GPC5: variants seen among roughly 807,000 people sequenced by gnomAD.
The protein encoded by GPC5 is glypican-5.
In GPC5, 47 loss-of-function variants were observed where a neutral mutation model predicts 53.9. The ratio of observed to expected loss-of-function variants is 0.87; its 90% CI spans 0.69 to 1.11. The LOEUF (loss-of-function observed/expected upper bound fraction) is 1.11. GPC5 is among the 50% of genes most tolerant of loss of function. The pLI is 0.00. For synonymous variants in GPC5, 286 were observed against 263.3 expected, an observed-to-expected ratio of 1.09 and a Z score of -0.84; for missense variants, 748 against 713.1, an observed-to-expected ratio of 1.05 and a Z score of -0.56.
intron 2 of GPC5, among the ~76,000 whole-genome samples, chr13:91,648,870 C>A (rs2034626608): frequency 6.6e-6 from 1 of 152,114 alleles, no homozygotes; most frequent in Non-Finnish European, 1.5e-5. Flanking sequence ...AGAATCAGTA[C>A]AGTGCGGTAT....
At chr13:92,445,684 A>C (rs1037982890) in intron 7 of GPC5, among the ~76,000 whole-genome samples, 2 of 151,704 alleles carry the variant, frequency 1.3e-5, no homozygotes, top group African/African-American at 2.4e-5. Flanking sequence ...CATGGTGTAT[A>C]TGTGCCACAT....
intron 2 of GPC5, among the ~76,000 whole-genome samples, chr13:91,629,583 C>T (rs2034103041): frequency 6.6e-6 from 1 of 152,018 alleles, no homozygotes; most frequent in Non-Finnish European, 1.5e-5. Flanking sequence ...GCAGAGGTTG[C>T]AGTGAGCAGA....
chr13:92,551,166 C>T (rs1252346882), intron 7 of GPC5, among the ~76,000 whole-genome samples: 1 of 151,542 alleles, frequency 6.6e-6, no homozygotes, highest in Non-Finnish European at 1.5e-5. Context: ...CATTATGAAA[C>T]CAAAAGATTG....
At chr13:92,072,398 C>T (rs936881871) in intron 6 of GPC5, among the ~76,000 whole-genome samples, 7 of 150,294 alleles carry the variant, frequency 4.7e-5, no homozygotes, top group Admixed American at 4.7e-4. Context: ...TTCCAAGTAG[C>T]TGGGACTACA....
intron 2 of GPC5, among the ~76,000 whole-genome samples, chr13:91,477,229 A>C (rs1334980138): frequency 1.3e-5 from 2 of 152,182 alleles, no homozygotes. Context: ...TACAGGCAAG[A>C]AATTATAAGG....
chr13:91,698,908 AAAAGTAAG>A, intron 3 of GPC5, among the ~76,000 whole-genome samples: 1 of 152,262 alleles, frequency 6.6e-6, no homozygotes, highest in East Asian at 1.9e-4. Context: ...CTTTCCCTAG[AAAAGTAAG>A]ACACGCAGAC....
chr13:92,461,431 T>G (rs1490843765), intron 7 of GPC5, among the ~76,000 whole-genome samples: 2 of 152,096 alleles, frequency 1.3e-5, no homozygotes, highest in African/African-American at 4.8e-5. Context: ...GGCTAAGTAC[T>G]GAGAAAAACA....
intron 7 of GPC5, among the ~76,000 whole-genome samples, chr13:92,841,882 T>C (rs767159864): frequency 2.6e-5 from 4 of 152,136 alleles, no homozygotes; most frequent in Non-Finnish European, 5.9e-5. Flanking sequence ...CCCAGTGGTA[T>C]TGCTTGACAT....
At chr13:91,849,826 C>G (rs2138888478) in intron 5 of GPC5, among the ~76,000 whole-genome samples, 1 of 152,180 alleles carries the variant, frequency 6.6e-6, no homozygotes, top group Admixed American at 6.5e-5. Context: ...ATTTTACTAA[C>G]TCTGATATAC....
intron 7 of GPC5, among the ~76,000 whole-genome samples, chr13:92,809,798 C>T (rs144627260): frequency 2.6e-5 from 4 of 152,116 alleles, no homozygotes; most frequent in Non-Finnish European, 4.4e-5. Context: ...AGTAAGTATA[C>T]ATTTTTATTT....
chr13:92,470,284 G>A (rs75614136), intron 7 of GPC5, among the ~76,000 whole-genome samples: 41 of 152,060 alleles, frequency 2.7e-4, no homozygotes, highest in Admixed American at 4.6e-4. Flanking sequence ...ATAGTAAATC[G>A]GTTTGTATTT....
chr13:91,572,322 A>G (rs190735630), intron 2 of GPC5, among the ~76,000 whole-genome samples: 38 of 151,134 alleles, frequency 2.5e-4, no homozygotes, highest in African/African-American at 9.0e-4. Context: ...GTAGAATAAA[A>G]TAACTTCGAG....
At chr13:91,769,044 T>G (rs2037575105) in intron 5 of GPC5, among the ~76,000 whole-genome samples, 1 of 152,116 alleles carries the variant, frequency 6.6e-6, no homozygotes, top group Non-Finnish European at 1.5e-5. Context: ...TGAAAGCAAC[T>G]TATTTTAAGG....
intron 7 of GPC5, among the ~76,000 whole-genome samples, chr13:92,666,493 A>C (rs1392696510): frequency 6.7e-6 from 1 of 149,126 alleles, no homozygotes; most frequent in Non-Finnish European, 1.5e-5. Context: ...AATGCTATCA[A>C]TAATAAAAAT....
chr13:92,336,425 G>A (rs2043323488), intron 7 of GPC5, among the ~76,000 whole-genome samples: 1 of 151,986 alleles, frequency 6.6e-6, no homozygotes, highest in African/African-American at 2.4e-5. Context: ...AAATATGCAT[G>A]GTTTTTGTAC....
chr13:91,457,863 T>C (rs939678981), intron 2 of GPC5, among the ~76,000 whole-genome samples: 1 of 152,046 alleles, frequency 6.6e-6, no homozygotes. Flanking sequence ...CCAACAATCA[T>C]GGGGCAGCCT....
intron 6 of GPC5, among the ~76,000 whole-genome samples, chr13:92,084,674 C>G (rs1378092692): frequency 6.6e-6 from 1 of 152,150 alleles, no homozygotes; most frequent in Non-Finnish European, 1.5e-5. Context: ...TATCTACCTT[C>G]AGATTGTTGT....
rs181105862 is a variant in GPC5, at chr13:91,997,220, C to T, written c.1401+89163C>T. Among the ~76,000 whole-genome samples the T allele has an allele frequency of 1.5e-3, 233 of 152,178 alleles. 1 individual carries two copies. The Middle Eastern group carries it at 0.051, about 33-fold the overall frequency. On this transcript the variant is annotated intron_variant, in intron 6 of 7. Transcript: ENST00000377067. ...TTGCCTCCTATCTTCACTGATATGT[C>T]GTACTGTCAATTTATCTATGATACT...
chr13:92,734,634 T>C (rs986208314), intron 7 of GPC5, among the ~76,000 whole-genome samples: 2 of 151,940 alleles, frequency 1.3e-5, no homozygotes, highest in Admixed American at 1.3e-4. Flanking sequence ...CCATTCTCAC[T>C]CTTAGTCCAT....
Sources: allele counts gnomAD v4.1 joint callset (sites outside exome capture counted in the v4.1 genomes callset), GRCh38; gene constraint gnomAD v4.1.1; transcripts MANE v1.5; gene names NCBI Gene and HGNC (gene_info 2026-07-23, HGNC 2026-07-21).